Variants in ABCC4 observed in about 807,000 individuals in gnomAD.
ABCC4 encodes ATP-binding cassette sub-family C member 4.
Under a neutral mutation model 168.5 loss-of-function variants are expected in ABCC4, and 102 were observed. The observed-to-expected ratio is 0.61, with a 90% CI of 0.52 to 0.71. The LOEUF (loss-of-function observed/expected upper bound fraction) is 0.71, where lower values mean the gene tolerates loss of function less well. Ranked by LOEUF, ABCC4 falls within the 30% of genes least tolerant of loss-of-function variation. The pLI is 0.00. For missense variants in ABCC4, 1,402 were observed against 1,605.8 expected (o/e 0.87, Z 2.17); for synonymous variants, 617 against 590.7 (o/e 1.04, Z -0.65).
At chr13:95,215,031 G>A (rs556105639) in intron 4 of ABCC4, among the ~76,000 whole-genome samples, 20 of 152,240 alleles carry the variant, frequency 1.3e-4, no homozygotes, top group African/African-American at 3.9e-4. Flanking sequence ...AAAAAACAGC[G>A]TAAAGAATAC....
At chr13:95,138,908 C>T (rs937435701) in intron 19 of ABCC4, among the ~76,000 whole-genome samples, 2 of 152,232 alleles carry the variant, frequency 1.3e-5, no homozygotes, top group Admixed American at 1.3e-4. Flanking sequence ...AGCTCCTTTC[C>T]CTTACCTCCA....
intron 19 of ABCC4, among the ~76,000 whole-genome samples, chr13:95,129,921 A>T (rs1469689517): frequency 6.6e-6 from 1 of 152,082 alleles, no homozygotes; most frequent in East Asian, 1.9e-4. Context: ...CTAAAAATAC[A>T]AAACTTATTT....
chr13:95,080,724 C>T (rs944384484), intron 21 of ABCC4, among the ~76,000 whole-genome samples: 8 of 152,194 alleles, frequency 5.3e-5, no homozygotes, highest in Admixed American at 1.3e-4. Context: ...CCACCCACCT[C>T]GGCCTCCCAA....
At chr13:95,268,725 T>C (rs1362887383) in intron 1 of ABCC4, among the ~76,000 whole-genome samples, 1 of 152,102 alleles carries the variant, frequency 6.6e-6, no homozygotes, top group Non-Finnish European at 1.5e-5. Context: ...ACAGAGACAT[T>C]TGTTCACATG....
Position 95,204,163 on chromosome 13 carries a change from C to T in ABCC4, c.1161+2369G>A, listed in dbSNP as rs115005985. On this transcript the variant is annotated intron_variant, in intron 8 of 30. Transcript: ENST00000645237. ...AAAGACCCCAAAGTGGGAACAGAGACGAGTCATGTGCTGGGAAACACACAC... is the reference window on the plus strand; with the variant it reads ...AAAGACCCCAAAGTGGGAACAGAGATGAGTCATGTGCTGGGAAACACACAC... Among the ~76,000 whole-genome samples the T allele has an allele frequency of 4.0e-3, 602 of 152,220 alleles. 2 individuals are homozygous for T. Among genetic ancestry groups the T allele is most frequent in the African/African-American group, 0.014 (562 of 41,518 alleles).
intron 24 of ABCC4, among the ~76,000 whole-genome samples, chr13:95,072,506 C>T (rs1366420905): frequency 6.6e-6 from 1 of 152,170 alleles, no homozygotes; most frequent in African/African-American, 2.4e-5. Context: ...ATAGAAGGAT[C>T]ACCTGATATA....
At chr13:95,146,426 A>G (rs1218955263) in intron 19 of ABCC4, among the ~76,000 whole-genome samples, 1 of 152,190 alleles carries the variant, frequency 6.6e-6, no homozygotes, top group Non-Finnish European at 1.5e-5. Flanking sequence ...GAAGAAACAA[A>G]CACAGGAAAA....
chr13:95,113,567 TA>T (rs10719221), intron 20 of ABCC4, among the ~76,000 whole-genome samples: 135,961 of 147,422 alleles, frequency 0.92, 62,683 homozygotes, highest in African/African-American at 0.95. Context: ...CTAGGCAACT[TA>T]AAAAAAAAAA....
At chr13:95,207,663 A>G (rs957348783) in intron 7 of ABCC4, 137 bp downstream of exon 7, 4 of 852,162 alleles carry the variant, frequency 4.7e-6, no homozygotes, top group African/African-American at 1.8e-5. Context: ...ACTTAACCCA[A>G]CTGCCAAGCG....
chr13:95,037,888 T>C (rs9584276), intron 29 of ABCC4, among the ~76,000 whole-genome samples: 2,642 of 152,190 alleles, frequency 0.017, 80 homozygotes, highest in African/African-American at 0.057. Context: ...GTTGTTGAAA[T>C]AGAGTCTCAC....
chr13:95,269,934 C>T (rs2040802153), intron 1 of ABCC4, among the ~76,000 whole-genome samples: 1 of 152,104 alleles, frequency 6.6e-6, no homozygotes, highest in Non-Finnish European at 1.5e-5. Context: ...ACTTCTAGGG[C>T]AGGAAATGAG....
chr13:95,189,815 C>T (rs1611822), intron 9 of ABCC4, among the ~76,000 whole-genome samples: 53,109 of 151,968 alleles, frequency 0.35, 9,818 homozygotes, highest in Non-Finnish European at 0.41. Context: ...TTGTGTTACC[C>T]ATCCTGGGAA....
chr13:95,137,566 CAAAAAT>C, intron 19 of ABCC4, among the ~76,000 whole-genome samples: 1 of 151,822 alleles, frequency 6.6e-6, no homozygotes, highest in Non-Finnish European at 1.5e-5. Flanking sequence ...ATAATGAAAA[CAAAAAT>C]AAAATGTGGA....
intron 4 of ABCC4, among the ~76,000 whole-genome samples, chr13:95,226,341 T>C (rs67685414): frequency 0.29 from 43,499 of 151,988 alleles, 6,520 homozygotes; most frequent in East Asian, 0.44. Context: ...TATAAAGCTA[T>C]AGTAATTAAG....
chr13:95,274,771 C>A (rs538701856), intron 1 of ABCC4, among the ~76,000 whole-genome samples: 1 of 152,254 alleles, frequency 6.6e-6, no homozygotes, highest in South Asian at 2.1e-4. Context: ...TCTCACTGAC[C>A]ATCACAAAAA....
At chr13:95,023,814 C>T (rs1566349503) in intron 30 of ABCC4, among the ~76,000 whole-genome samples, 1 of 152,152 alleles carries the variant, frequency 6.6e-6, no homozygotes, top group Non-Finnish European at 1.5e-5. Flanking sequence ...GTGGCTGAGA[C>T]AATTTCAACT....
intron 27 of ABCC4, among the ~76,000 whole-genome samples, chr13:95,045,157 C>T (rs1278789599): frequency 6.6e-6 from 1 of 152,158 alleles, no homozygotes; most frequent in Non-Finnish European, 1.5e-5. Context: ...AAAAATGAAG[C>T]TCATGCTCCC....
intron 8 of ABCC4, among the ~76,000 whole-genome samples, chr13:95,196,799 G>A (rs9634485): frequency 0.2 from 30,632 of 149,888 alleles, 3,376 homozygotes; most frequent in Admixed American, 0.27. Context: ...TTTACTGACC[G>A]GCAATCATTT....
At chr13:95,222,853 C>G (rs1258097962) in intron 4 of ABCC4, among the ~76,000 whole-genome samples, 2 of 152,148 alleles carry the variant, frequency 1.3e-5, no homozygotes, top group Admixed American at 6.5e-5. Flanking sequence ...CTGGTTGTTA[C>G]AACTAGAGGG....
Sources: allele counts gnomAD v4.1 joint callset (sites outside exome capture counted in the v4.1 genomes callset), GRCh38; gene constraint gnomAD v4.1.1; transcripts MANE v1.5; gene names NCBI Gene and HGNC (gene_info 2026-07-23, HGNC 2026-07-21).